The following CYP7B1 variants were observed in gnomAD, a reference collection of about 807,000 sequenced individuals.
The protein encoded by CYP7B1 is cytochrome P450 7B1.
Under a neutral mutation model 42.7 loss-of-function variants are expected in CYP7B1, and 29 were observed. The observed-to-expected ratio is 0.68, with a 90% CI of 0.51 to 0.93. The LOEUF (loss-of-function observed/expected upper bound fraction) is 0.93. Among genes scored for constraint, CYP7B1 ranks in the 40% least tolerant of loss-of-function variants. The pLI is 0.00. For missense variants in CYP7B1, 655 were observed against 600.5 expected (o/e 1.09, Z -0.95); for synonymous variants, 235 against 218.2 (o/e 1.08, Z -0.68).
chr8:64,717,533 T>C (rs1057085420), intron 1 of CYP7B1, among the ~76,000 whole-genome samples: 3 of 152,176 alleles, frequency 2.0e-5, no homozygotes, highest in Non-Finnish European at 4.4e-5. Context: ...CAGCCCACCA[T>C]GTCCATTCGG....
chr8:64,715,708 C>G (rs1195472060), intron 1 of CYP7B1, among the ~76,000 whole-genome samples: 1 of 152,156 alleles, frequency 6.6e-6, no homozygotes, highest in Non-Finnish European at 1.5e-5. Context: ...CCCACTGCTT[C>G]TTTCTACACC....
rs373025857 is a variant in CYP7B1, at chr8:64,603,550, A to C, written c.1233+1132T>G. ...TCCAGATATTGGCTATTGGCTATTC[A>C]TTTGCCCTGTTTATTGAATATAATT... On this transcript the variant is annotated intron_variant, in intron 5 of 5. Transcript: ENST00000310193. Among the ~76,000 whole-genome samples the C allele has an allele frequency of 5.3e-5, 8 of 152,348 alleles. No homozygotes were observed. The East Asian group carries it at 9.6e-4, about 18-fold the overall frequency.
intron 1 of CYP7B1, among the ~76,000 whole-genome samples, chr8:64,726,077 T>C (rs118111353): frequency 0.015 from 2,217 of 152,352 alleles, 27 homozygotes; most frequent in Non-Finnish European, 0.024. Context: ...TGGAGTTTAA[T>C]TAAGGTGTTG....
intron 1 of CYP7B1, among the ~76,000 whole-genome samples, chr8:64,641,290 A>G (rs892424814): frequency 3.9e-5 from 6 of 152,196 alleles, no homozygotes; most frequent in Admixed American, 6.5e-5. Flanking sequence ...TCTAGAATTG[A>G]CTTACATCAA....
intron 1 of CYP7B1, among the ~76,000 whole-genome samples, chr8:64,742,852 T>C (rs1230023446): frequency 6.6e-6 from 1 of 152,216 alleles, no homozygotes; most frequent in African/African-American, 2.4e-5. Context: ...TAACCCTCCA[T>C]ATGTCCTCAG....
At chr8:64,775,461 A>G (rs868463697) in intron 1 of CYP7B1, among the ~76,000 whole-genome samples, 1 of 152,098 alleles carries the variant, frequency 6.6e-6, no homozygotes, top group Non-Finnish European at 1.5e-5. Flanking sequence ...CCATGTTATG[A>G]TTGGGCATTG....
chr8:64,648,278 T>A (rs1805984542), intron 1 of CYP7B1, among the ~76,000 whole-genome samples: 1 of 152,228 alleles, frequency 6.6e-6, no homozygotes, highest in African/African-American at 2.4e-5. Context: ...TTATTCCTTG[T>A]CATAATTCGC....
At chr8:64,719,980 T>C (rs1024664322) in intron 1 of CYP7B1, among the ~76,000 whole-genome samples, 2 of 152,230 alleles carry the variant, frequency 1.3e-5, no homozygotes, top group African/African-American at 2.4e-5. Context: ...TCAACCCTTA[T>C]TGAGCCTGAT....
At chr8:64,597,019 T>TA (rs1256091125) in intron 5 of CYP7B1, 90 bp from the exon 6 acceptor site, 20 of 1,153,128 alleles carry the variant, frequency 1.7e-5, no homozygotes, top group Non-Finnish European at 2.3e-5. Context: ...CTGCCTGTCT[T>TA]AAAAAGCTCC....
At chr8:64,731,026 C>A (rs1432991549) in intron 1 of CYP7B1, among the ~76,000 whole-genome samples, 1 of 152,186 alleles carries the variant, frequency 6.6e-6, no homozygotes, top group Non-Finnish European at 1.5e-5. Flanking sequence ...GATGAGTCTG[C>A]TGCCCCTTCT....
Position 64,615,743 on chromosome 8 carries a change from G to T in CYP7B1, c.798C>A (p.Ser266Arg). The part of the protein sequence containing the change: ...KMQGWSEVFQ[S>R]RQDVLEKYYV... ...AATATTTCTCCAGGACATCTTGCCT[G>T]CTTTGAAAAACTTCTGACCATCCTT... Residue 266 changes from serine to arginine, a missense_variant, in exon 3 of 6, where the codon AGC (serine) becomes AGA (arginine). Physicochemically the swap from Ser to Arg is moderately radical, Grantham distance 110. Coordinates refer to ENST00000310193, the MANE Select transcript of CYP7B1 (RefSeq NM_004820.5). 1 of 1,613,722 alleles carries T rather than the reference G, an allele frequency of 6.2e-7. No homozygotes were observed. The highest frequency in any genetic ancestry group is 8.5e-7 in the Non-Finnish European group (1 of 1,179,760).
chr8:64,776,852 CAAG>C (rs778505275), intron 1 of CYP7B1, among the ~76,000 whole-genome samples: 1 of 152,006 alleles, frequency 6.6e-6, no homozygotes, highest in Non-Finnish European at 1.5e-5. Flanking sequence ...ACAGAGATGC[CAAG>C]AAGAATCTGA....
At chr8:64,771,767 A>C (rs1417559164) in intron 1 of CYP7B1, among the ~76,000 whole-genome samples, 1 of 152,234 alleles carries the variant, frequency 6.6e-6, no homozygotes, top group Non-Finnish European at 1.5e-5. Flanking sequence ...CTCATTCTAC[A>C]TGAAGCTTAT....
At chr8:64,778,759 G>A (rs1416672942) in intron 1 of CYP7B1, among the ~76,000 whole-genome samples, 2 of 151,990 alleles carry the variant, frequency 1.3e-5, no homozygotes. Flanking sequence ...CTCTTGCCTG[G>A]CTACTACCCT....
chr8:64,614,676 A>C (rs1272016046), intron 4 of CYP7B1, among the ~76,000 whole-genome samples: 1 of 152,152 alleles, frequency 6.6e-6, no homozygotes, highest in African/African-American at 2.4e-5. Context: ...TTCCTTTTCA[A>C]TCCCTAAATA....
rs548381543 is a variant in CYP7B1, at chr8:64,668,492, C to T, written c.123-43953G>A. 4.9e-4 allele frequency among the ~76,000 whole-genome samples: 74 copies of T among 151,920 alleles called. 1 individual carries two copies. Among genetic ancestry groups the T allele is most frequent in the Non-Finnish European group, 6.2e-4 (42 of 67,930 alleles). On this transcript the variant is annotated intron_variant, in intron 1 of 5. Transcript: ENST00000310193. ...TGGTTCAAATGTTTGCAAAGCTTCC[C>T]AACTGTCTTTGGGAAAAGAGTACTA... is the stretch of plus-strand genomic sequence containing the variant.
intron 4 of CYP7B1, among the ~76,000 whole-genome samples, chr8:64,610,470 A>T (rs1362213839): frequency 2.6e-5 from 4 of 152,136 alleles, no homozygotes; most frequent in Non-Finnish European, 5.9e-5. Flanking sequence ...AAGCTTTTGA[A>T]TACACAATTA....
At chr8:64,785,048 A>G (rs1804498300) in intron 1 of CYP7B1, among the ~76,000 whole-genome samples, 1 of 152,238 alleles carries the variant, frequency 6.6e-6, no homozygotes, top group Non-Finnish European at 1.5e-5. Context: ...AATAGGCAAA[A>G]TATCTTAACA....
chr8:64,789,062 A>T (rs533387629), intron 1 of CYP7B1, among the ~76,000 whole-genome samples: 1 of 152,196 alleles, frequency 6.6e-6, no homozygotes, highest in Admixed American at 6.5e-5. Flanking sequence ...CTGGGATTAC[A>T]GGCACGCACC....
Sources: allele counts gnomAD v4.1 joint callset (sites outside exome capture counted in the v4.1 genomes callset), GRCh38; gene constraint gnomAD v4.1.1; transcripts MANE v1.5; gene names NCBI Gene and HGNC (gene_info 2026-07-23, HGNC 2026-07-21).